MDFIC: variants seen among roughly 807,000 people sequenced by gnomAD.
The protein encoded by MDFIC is myoD family inhibitor domain-containing protein.
A neutral mutation model predicts 23.2 loss-of-function variants in MDFIC; 17 were observed. The ratio of observed to expected loss-of-function variants is 0.73; its 90% CI spans 0.50 to 1.10. MDFIC has a LOEUF of 1.10. Ranked by LOEUF, MDFIC falls within the 50% of genes least tolerant of loss-of-function variation. The pLI is 0.00. For synonymous variants in MDFIC, 120 were observed against 115.2 expected, an observed-to-expected ratio of 1.04 and a Z score of -0.27; for missense variants, 356 against 316.6, an observed-to-expected ratio of 1.12 and a Z score of -0.95.
chr7:114,923,606 G>GT, intron 2 of MDFIC: 1 of 1,476,176 alleles, frequency 6.8e-7, no homozygotes, highest in South Asian at 1.3e-5. Context: ...GCTTATGCTT[G>GT]TTTTCAATAA....
At chr7:115,002,197 T>C (rs1215632181) in intron 4 of MDFIC, among the ~76,000 whole-genome samples, 1 of 152,178 alleles carries the variant, frequency 6.6e-6, no homozygotes, top group Non-Finnish European at 1.5e-5. Context: ...TTATCCAGAA[T>C]TGGATTTCCT....
At chr7:114,945,066 G>A (rs1048406231) in intron 3 of MDFIC, among the ~76,000 whole-genome samples, 3 of 152,210 alleles carry the variant, frequency 2.0e-5, no homozygotes, top group Non-Finnish European at 2.9e-5. Flanking sequence ...AGCTGCATAC[G>A]CAAGAAGTGA....
At chr7:114,988,818 A>C (rs1793555850) in intron 4 of MDFIC, among the ~76,000 whole-genome samples, 1 of 152,176 alleles carries the variant, frequency 6.6e-6, no homozygotes, top group Non-Finnish European at 1.5e-5. Flanking sequence ...TTAGAGGCAA[A>C]TATACTTATT....
At position 114,922,498 on chromosome 7, in the gene MDFIC, C is replaced by T; in HGVS notation, c.-246C>T. On this transcript the variant is annotated 5_prime_UTR_variant, in exon 1 of 5. The change creates a new upstream start codon in the 5' untranslated region. Transcript: ENST00000393486. ...GCTGAGCCGGAGGGAGGCGGGAGGA[C>T]GCGCAGGGGCGGCCGCCGCCGTCGT... The T allele has an allele frequency of 8.0e-7, 1 of 1,254,606 alleles. No individual in the cohort carries two copies. The highest frequency in any genetic ancestry group is 1.0e-6 in the Non-Finnish European group (1 of 993,216). 77.7% of individuals were successfully genotyped at this position (1,254,606 alleles called of 1,614,324 possible).
At chr7:114,927,462 A>G (rs528247556) in intron 2 of MDFIC, among the ~76,000 whole-genome samples, 4 of 152,100 alleles carry the variant, frequency 2.6e-5, no homozygotes, top group Admixed American at 6.5e-5. Flanking sequence ...ATACGCTTCA[A>G]TTCATCCTCA....
At chr7:114,941,960 T>G (rs1245957026) in intron 2 of MDFIC, among the ~76,000 whole-genome samples, 1 of 152,214 alleles carries the variant, frequency 6.6e-6, no homozygotes, top group African/African-American at 2.4e-5. Flanking sequence ...TCACTCACTT[T>G]CATGCTTCCT....
At chr7:114,953,306 T>G (rs114275834) in intron 3 of MDFIC, among the ~76,000 whole-genome samples, 1 of 151,918 alleles carries the variant, frequency 6.6e-6, no homozygotes, top group African/African-American at 2.4e-5. Flanking sequence ...TTTACCCCAA[T>G]GAAACAAAAA....
At chr7:114,923,217 G>A in intron 2 of MDFIC, 90 bp downstream of exon 2, 1 of 1,460,602 alleles carries the variant, frequency 6.8e-7, no homozygotes. Flanking sequence ...TGGGGGGAGT[G>A]CTGTGAGGAG....
chr7:114,967,289 G>A (rs996752268), intron 3 of MDFIC, among the ~76,000 whole-genome samples: 2 of 152,150 alleles, frequency 1.3e-5, no homozygotes, highest in Non-Finnish European at 2.9e-5. Flanking sequence ...TGGCCAATGA[G>A]ATGTGAGAGG....
At chr7:114,964,234 G>T (rs577881919) in intron 3 of MDFIC, among the ~76,000 whole-genome samples, 1 of 152,254 alleles carries the variant, frequency 6.6e-6, no homozygotes, top group East Asian at 1.9e-4. Context: ...TTGACCTTAT[G>T]AATTATGTGC....
chr7:114,990,858 A>G (rs1200055696), intron 4 of MDFIC, among the ~76,000 whole-genome samples: 3 of 152,164 alleles, frequency 2.0e-5, no homozygotes, highest in African/African-American at 7.2e-5. Context: ...CTTTGGGTAT[A>G]TACCCAGTAA....
At chr7:114,998,856 G>A (rs903071884) in intron 4 of MDFIC, among the ~76,000 whole-genome samples, 2 of 152,118 alleles carry the variant, frequency 1.3e-5, no homozygotes, top group African/African-American at 4.8e-5. Context: ...TAAAAAAGAA[G>A]ATTTCAAAGG....
chr7:114,936,600 A>G (rs1202721155), intron 2 of MDFIC, among the ~76,000 whole-genome samples: 1 of 152,202 alleles, frequency 6.6e-6, no homozygotes, highest in Non-Finnish European at 1.5e-5. Context: ...CCTGACCAAG[A>G]ATAAAAGTTG....
Position 114,979,695 on chromosome 7 carries a change from A to G in MDFIC, c.407A>G (p.Gln136Arg). 3 of 1,614,178 alleles carry G rather than the reference A, an allele frequency of 1.9e-6. No individual in the cohort carries two copies. Among genetic ancestry groups the G allele is most frequent in the Non-Finnish European group, 2.5e-6 (3 of 1,180,004 alleles). ...PVSQKMHRKI[Q>R]SSLSVNSDIS... ...TCTCAAAAAATGCATAGAAAAATTC[A>G]GTCCAGCTTGTCTGTAAACAGCGAT... Residue 136 changes from glutamine (Q) to arginine (R), a missense_variant, in exon 4 of 5, where the codon CAG (glutamine) becomes CGG (arginine). By Grantham distance (43) the Gln-to-Arg change is conservative. Transcript: ENST00000393486.
chr7:114,981,543 CT>C (rs1415546319), intron 4 of MDFIC, among the ~76,000 whole-genome samples: 2 of 152,098 alleles, frequency 1.3e-5, no homozygotes, highest in African/African-American at 2.4e-5. Flanking sequence ...CACTTATGGC[CT>C]ACCACAGAGC....
At chr7:114,941,114 T>G (rs533140576) in intron 2 of MDFIC, among the ~76,000 whole-genome samples, 8 of 152,284 alleles carry the variant, frequency 5.3e-5, no homozygotes, top group Admixed American at 2.6e-4. Context: ...TGTTTTTTGT[T>G]TGTTTGTTTG....
chr7:115,002,985 G>A (rs771485402), intron 4 of MDFIC, among the ~76,000 whole-genome samples: 2 of 152,106 alleles, frequency 1.3e-5, no homozygotes, highest in Admixed American at 6.5e-5. Flanking sequence ...AGCTATGTGC[G>A]GTCCCTGTTC....
At chr7:114,974,187 A>T (rs1404991563) in intron 3 of MDFIC, among the ~76,000 whole-genome samples, 1 of 152,158 alleles carries the variant, frequency 6.6e-6, no homozygotes, top group Non-Finnish European at 1.5e-5. Flanking sequence ...CACATTATAT[A>T]GCAATAAAAA....
chr7:114,956,871 C>T (rs1243824034), intron 3 of MDFIC, among the ~76,000 whole-genome samples: 2 of 152,044 alleles, frequency 1.3e-5, no homozygotes, highest in Admixed American at 1.3e-4. Flanking sequence ...ACTTAAAGAC[C>T]TTGTTTCAGA....
Sources: allele counts gnomAD v4.1 joint callset (sites outside exome capture counted in the v4.1 genomes callset), GRCh38; gene constraint gnomAD v4.1.1; transcripts MANE v1.5; gene names NCBI Gene and HGNC (gene_info 2026-07-23, HGNC 2026-07-21).